Variants in XG observed in about 807,000 individuals in gnomAD.
XG encodes Xg glycoprotein (Xg blood group).
A neutral mutation model predicts 25.7 loss-of-function variants in XG; 24 were observed. The ratio of observed to expected loss-of-function variants is 0.93; its 90% CI spans 0.68 to 1.31. The LOEUF (loss-of-function observed/expected upper bound fraction) is 1.31. Ranked by LOEUF, XG falls within the 40% of genes most tolerant of loss-of-function variation. The pLI is 0.00. For synonymous variants in XG, 77 were observed against 69.2 expected, an observed-to-expected ratio of 1.11 and a Z score of -0.56; for missense variants, 181 against 187.6, an observed-to-expected ratio of 0.96 and a Z score of 0.21.
At chrX:2,772,326 CA>C (rs1325277866) in intron 2 of XG, among the ~76,000 whole-genome samples, 1 of 152,232 alleles carries the variant, frequency 6.6e-6, no homozygotes, top group African/African-American at 2.4e-5. Flanking sequence ...AACTGTCCAT[CA>C]GGGGATGAAT....
rs756189256 is a variant in XG at position 2,811,368 on chromosome X, G to A, written c.487G>A (p.Val163Ile). The change falls in exon 10 of 11, where the codon GTA becomes ATA. Residue 163 changes from valine to isoleucine, a missense_variant. Physicochemically the swap from Val to Ile is conservative, Grantham distance 29. Coordinates refer to ENST00000644266, the MANE Select transcript of XG (RefSeq NM_001141919.2). ...GGTAGCAAAAATCGTGTCTCCCATCGTATCCGTGGTGGTGGTGACACTGCT... is the reference window on the plus strand; with the variant it reads ...GGTAGCAAAAATCGTGTCTCCCATCATATCCGTGGTGGTGGTGACACTGCT... ...NMVAKIVSPI[V>I]SVVVVTLLGA... is the part of the protein sequence containing the mutation. The A allele has an allele frequency of 9.0e-5, 108 of 1,205,003 alleles. 1 individual carries two copies. Among genetic ancestry groups the A allele is most frequent in the Middle Eastern group, 2.3e-4 (1 of 4,338 alleles).
In XG at chrX:2,797,376, G is replaced by C; in HGVS notation, c.373+16G>C. 8.3e-7 allele frequency: 1 copy of C among 1,207,086 alleles called. No homozygotes were observed. On this transcript the variant is annotated intron_variant, in intron 7 of 10. Transcript: ENST00000644266. ...AACACGCACGGTACCCCTACATCTGGGCATGCGATGGTGGGTGGAGGGTGG... is the reference window on the plus strand; with the variant it reads ...AACACGCACGGTACCCCTACATCTGCGCATGCGATGGTGGGTGGAGGGTGG...
chrX:2,786,239 A>G (rs781744889), intron 4 of XG, among the ~76,000 whole-genome samples: 3 of 93,852 alleles, frequency 3.2e-5, no homozygotes, highest in African/African-American at 1.3e-4. Flanking sequence ...CTCTGACCCC[A>G]GCAGCTCCTA....
intron 10 of XG, 22 bp downstream of exon 10, chrX:2,811,474 G>T (rs1384498132): frequency 1.1e-5 from 12 of 1,091,910 alleles, no homozygotes; most frequent in Non-Finnish European, 1.5e-5. Context: ...TCTAAACATT[G>T]TTTTGCTTGT....
Position 2,806,407 on chromosome X carries a change from T to A in XG, c.374-294T>A, listed in dbSNP as rs7062707. Reference sequence around the variant, plus strand: ...GTTTTCATCCTATTCTCTTTTTTTTTAACCAACATTTGCTGGCATTTTTTT... The same window carrying A: ...GTTTTCATCCTATTCTCTTTTTTTTAAACCAACATTTGCTGGCATTTTTTT... On this transcript the variant is annotated intron_variant, in intron 7 of 10. Coordinates refer to ENST00000644266, the MANE Select transcript of XG (RefSeq NM_001141919.2). 0.17 allele frequency among the ~76,000 whole-genome samples: 18,527 copies of A among 110,604 alleles called. 1,447 individuals carry two copies. The highest frequency in any genetic ancestry group is 0.36 in the Admixed American group (3,710 of 10,263).
chrX:2,754,020 C>G (rs2050383959), intron 1 of XG, among the ~76,000 whole-genome samples: 2 of 152,156 alleles, frequency 1.3e-5, no homozygotes. Flanking sequence ...ACTCTGAAGG[C>G]AGGTAAGGCT....
intron 1 of XG, among the ~76,000 whole-genome samples, chrX:2,763,481 G>A (rs900558343): frequency 6.6e-6 from 1 of 152,026 alleles, no homozygotes; most frequent in Non-Finnish European, 1.5e-5. Context: ...ATGTGGCGGT[G>A]GGAGGGGGGT....
At chrX:2,788,487 A>C (rs930991043) in intron 4 of XG, among the ~76,000 whole-genome samples, 1 of 111,771 alleles carries the variant, frequency 8.9e-6, no homozygotes, top group Non-Finnish European at 1.9e-5. Flanking sequence ...GGATTCTTCA[A>C]ATATTTAGGG....
intron 3 of XG, among the ~76,000 whole-genome samples, chrX:2,777,283 G>A (rs1182526164): frequency 1.3e-5 from 2 of 152,186 alleles, no homozygotes; most frequent in African/African-American, 4.8e-5. Context: ...GAAGAACTGA[G>A]TAAAAGTAGT....
At chrX:2,761,147 G>A (rs2050557273) in intron 1 of XG, among the ~76,000 whole-genome samples, 1 of 152,138 alleles carries the variant, frequency 6.6e-6, no homozygotes. Flanking sequence ...CTCAGAACAT[G>A]ACTGTGTTTG....
chrX:2,779,174 G>T (rs2051065682), intron 3 of XG, among the ~76,000 whole-genome samples: 1 of 151,552 alleles, frequency 6.6e-6, no homozygotes, highest in African/African-American at 2.4e-5. Flanking sequence ...GAGTTAGGAG[G>T]TTTTTCTTAG....
At chrX:2,801,247 C>T (rs1361423838) in intron 7 of XG, among the ~76,000 whole-genome samples, 3 of 110,335 alleles carry the variant, frequency 2.7e-5, no homozygotes, top group Non-Finnish European at 5.7e-5. Context: ...AGAAAGAATT[C>T]AGGACACAGA....
intron 4 of XG, among the ~76,000 whole-genome samples, chrX:2,787,290 C>T (rs1226135405): frequency 8.1e-5 from 9 of 110,438 alleles, no homozygotes; most frequent in Admixed American, 3.8e-4. Flanking sequence ...CACAGAGGGA[C>T]GACCCTGTGA....
At chrX:2,757,861 A>G (rs978120202) in intron 1 of XG, among the ~76,000 whole-genome samples, 6 of 149,156 alleles carry the variant, frequency 4.0e-5, no homozygotes, top group Admixed American at 1.4e-4. Flanking sequence ...AATCCCAGCT[A>G]TTCAGGAGGC....
rs368079832 is a variant in XG at position 2,806,947 on chromosome X, A to G, written c.418+202A>G. The stretch of plus-strand genomic sequence containing the variant: ...ATGCCCTGAGGACTTCATTTCTTCA[A>G]AGGAACTATGGCCCACTTACAGGTG... On this transcript the variant is annotated intron_variant, in intron 8 of 10. Coordinates refer to ENST00000644266, the MANE Select transcript of XG (RefSeq NM_001141919.2). Among the ~76,000 whole-genome samples, 20 of 112,315 alleles carry G rather than the reference A, an allele frequency of 1.8e-4. No homozygotes were observed. The South Asian group carries it at 4.1e-3, about 23-fold the overall frequency.
At chrX:2,788,636 C>T (rs762963185) in intron 4 of XG, among the ~76,000 whole-genome samples, 4 of 111,152 alleles carry the variant, frequency 3.6e-5, no homozygotes, top group South Asian at 3.8e-4. Flanking sequence ...GGGCAGATCA[C>T]CTGAGGTCAG....
chrX:2,775,260 T>G (rs1173820299), intron 3 of XG, among the ~76,000 whole-genome samples: 1 of 152,136 alleles, frequency 6.6e-6, no homozygotes, highest in African/African-American at 2.4e-5. Flanking sequence ...ATAAACAAAA[T>G]GTGGTCCATT....
At chrX:2,796,992 C>T (rs765885168) in intron 6 of XG, among the ~76,000 whole-genome samples, 138 of 112,135 alleles carry the variant, frequency 1.2e-3, no homozygotes, top group Middle Eastern at 4.6e-3. Context: ...CGTGGCTGAT[C>T]TCATATCAGT....
At chrX:2,782,997 T>C (rs1489140543) in intron 4 of XG, among the ~76,000 whole-genome samples, 1 of 111,357 alleles carries the variant, frequency 9.0e-6, no homozygotes, top group Non-Finnish European at 1.9e-5. Context: ...AGCTTAAAGG[T>C]TAGAAGCAAG....
Sources: gnomAD v4.1 joint callset for allele counts (sites outside exome capture counted in the v4.1 genomes callset) on GRCh38, gnomAD v4.1.1 for gene constraint, MANE v1.5 for transcripts, NCBI Gene and HGNC (gene_info 2026-07-23, HGNC 2026-07-21) for gene names.